Variants in SALL3 observed in about 807,000 individuals in gnomAD.
The protein encoded by SALL3 is sal-like protein 3.
In SALL3, 25 loss-of-function variants were observed where a neutral mutation model predicts 66.2. The observed-to-expected ratio is 0.38, with a 90% CI of 0.28 to 0.53. The LOEUF (loss-of-function observed/expected upper bound fraction) is 0.53, where lower values mean the gene tolerates loss of function less well. Ranked by LOEUF, SALL3 falls within the 20% of genes least tolerant of loss-of-function variation. The pLI is 0.85. For missense variants in SALL3, 2,194 were observed against 1,916.5 expected (o/e 1.14, Z -2.70); for synonymous variants, 1,152 against 899.1 (o/e 1.28, Z -5.03).
rs1405666834 is a variant in SALL3 at position 78,994,327 on chromosome 18, T to G, written c.2336T>G (p.Met779Arg). The G allele has an allele frequency of 2.5e-6, 4 of 1,613,514 alleles. No individual in the cohort carries two copies. Among genetic ancestry groups the G allele is most frequent in the Middle Eastern group, 1.6e-4 (1 of 6,084 alleles). The change falls in exon 2 of 3, where the codon ATG becomes AGG. Residue 779 changes from methionine to arginine, a missense_variant. Coordinates refer to ENST00000537592, the MANE Select transcript of SALL3 (RefSeq NM_171999.4). ...TPLPEGFQDAMDSELAYDDKN... is the reference protein window; with the variant it reads ...TPLPEGFQDARDSELAYDDKN... ...CTGCCGGAGGGCTTCCAGGATGCCA[T>G]GGACTCCGAGCTGGCCTACGACGAC...
At chr18:78,982,970 TA>T (rs1452341265) in intron 1 of SALL3, among the ~76,000 whole-genome samples, 2 of 152,176 alleles carry the variant, frequency 1.3e-5, no homozygotes, top group African/African-American at 2.4e-5. Context: ...CTGTATCTCT[TA>T]AAAAAGAATT....
chr18:78,982,977 G>C (rs1391584550), intron 1 of SALL3, among the ~76,000 whole-genome samples: 1 of 152,044 alleles, frequency 6.6e-6, no homozygotes, highest in Non-Finnish European at 1.5e-5. Flanking sequence ...TCTTAAAAAA[G>C]AATTATGATT....
intron 1 of SALL3, among the ~76,000 whole-genome samples, chr18:78,981,290 G>A (rs979433901): frequency 2.6e-5 from 4 of 152,168 alleles, no homozygotes. Context: ...CGCGCCCCGC[G>A]GGGCCCCCAG....
rs768877107 is a variant in SALL3, at chr18:78,997,679, A to T, written c.*357A>T. On this transcript the variant is annotated 3_prime_UTR_variant, in exon 3 of 3. Transcript: ENST00000537592. ...GCGGTATTCCAGTGAAACTCATTTG[A>T]TGGTTTCTTTTGAATTAGTTAGACA... 2.9e-5 allele frequency: 8 copies of T among 279,156 alleles called. No homozygotes were observed. The highest frequency in any genetic ancestry group is 6.5e-5 in the African/African-American group (3 of 46,404). The allele number at this position is 279,156 out of a possible 1,614,324, so 17.3% of individuals were successfully genotyped here. A position where few individuals can be genotyped will look rare whatever the true frequency, so the allele number is the denominator to read the frequency against.
rs533378652 is a variant in SALL3, at chr18:78,993,119, G to A, written c.1128G>A (p.Pro376=). ...TSASGVIFPN[P]LVSIAATANA... is the part of the protein sequence containing the mutation. Reference sequence around the variant, plus strand: ...CCAGCGGCGTCATCTTCCCCAACCCGCTGGTCAGCATCGCGGCCACGGCCA... The same window carrying A: ...CCAGCGGCGTCATCTTCCCCAACCCACTGGTCAGCATCGCGGCCACGGCCA... The change falls in exon 2 of 3, where the codon CCG becomes CCA. Residue 376 remains proline (P), a synonymous_variant. Transcript: ENST00000537592. The A allele has an allele frequency of 1.9e-6, 3 of 1,604,598 alleles. No individual in the cohort carries two copies. The highest frequency in any genetic ancestry group is 1.7e-5 in the Admixed American group (1 of 59,598).
At position 78,992,350 on chromosome 18, in the gene SALL3, C is replaced by G. The variant is rs974769426; in HGVS notation, c.359C>G (p.Ala120Gly). 32 of 1,373,864 alleles carry G rather than the reference C, an allele frequency of 2.3e-5. No individual in the cohort carries two copies. Among genetic ancestry groups the G allele is most frequent in the Admixed American group, 1.1e-4 (3 of 26,844 alleles). 85.1% of individuals were successfully genotyped at this position (1,373,864 alleles called of 1,614,324 possible). Residue 120 changes from alanine (A) to glycine (G), a missense_variant, in exon 2 of 3, where the codon GCG becomes GGG. Transcript: ENST00000537592. Reference sequence around the variant, plus strand: ...GCCGAGGAGGCGGGTGCGGAGGGCGCGGAGGGCGAGGCCAGGCCGGTGGAG... The same window carrying G: ...GCCGAGGAGGCGGGTGCGGAGGGCGGGGAGGGCGAGGCCAGGCCGGTGGAG... Reference protein sequence around the residue: ...EAAEEAGAEGAEGEARPVEKE... With the variant: ...EAAEEAGAEGGEGEARPVEKE...
Position 78,992,127 on chromosome 18 carries a change from G to T in SALL3, c.136G>T (p.Gly46Trp), listed in dbSNP as rs1339896901. 4 of 1,600,102 alleles carry T rather than the reference G, an allele frequency of 2.5e-6. No individual in the cohort carries two copies. Among genetic ancestry groups the T allele is most frequent in the African/African-American group, 1.3e-5 (1 of 74,370 alleles). The change falls in exon 2 of 3, where the codon GGG (glycine) becomes TGG (tryptophan). Residue 46 changes from glycine to tryptophan, a missense_variant. Coordinates refer to ENST00000537592, the MANE Select transcript of SALL3 (RefSeq NM_171999.4). Reference protein sequence around the residue: ...DADSGPESRSGGEETSVCEKC... With the variant: ...DADSGPESRSWGEETSVCEKC... ...AGACAGCGGGCCCGAGAGCCGCAGC[G>T]GGGGCGAGGAGACCAGCGTGTGCGA...
At position 78,993,725 on chromosome 18, in the gene SALL3, G is replaced by A. The variant is rs1365828593; in HGVS notation, c.1734G>A (p.Ser578=). The change falls in exon 2 of 3, where the codon TCG becomes TCA. Residue 578 remains serine (S), a synonymous_variant. Coordinates refer to ENST00000537592, the MANE Select transcript of SALL3 (RefSeq NM_171999.4). ...TCAACCACGTGGAGTCCGGCGTGTCGGCCACCGCCGAGTCCCCACAGTCGC... is the reference window on the plus strand; with the variant it reads ...TCAACCACGTGGAGTCCGGCGTGTCAGCCACCGCCGAGTCCCCACAGTCGC... ...PGLNHVESGV[S]ATAESPQSLL... 3.9e-6 allele frequency: 6 copies of A among 1,549,788 alleles called. No individual in the cohort carries two copies. The South Asian group carries it at 4.8e-5, about 12-fold the overall frequency.
rs1914625695 is a variant in SALL3, at chr18:78,994,823, C to T, written c.2832C>T (p.Ala944=). 6 of 1,596,546 alleles carry T rather than the reference C, an allele frequency of 3.8e-6. No homozygotes were observed. Among genetic ancestry groups the T allele is most frequent in the Non-Finnish European group, 4.3e-6 (5 of 1,172,524 alleles). The change falls in exon 2 of 3, where the codon GCC becomes GCT. Residue 944 remains alanine, a synonymous_variant. Coordinates refer to ENST00000537592, the MANE Select transcript of SALL3 (RefSeq NM_171999.4). ...KTERPDSPAA[A]PGSGGAPGRA... ...AGAGGCCGGACAGCCCAGCCGCCGC[C>T]CCGGGCAGCGGAGGCGCCCCTGGCC...
chr18:78,995,214 G>A lies in SALL3; in HGVS notation c.3223G>A (p.Gly1075Ser). Reference protein sequence around the residue: ...VNGHGKAMALGEGPPLPAGVQ... With the variant: ...VNGHGKAMALSEGPPLPAGVQ... Reference sequence around the variant, plus strand: ...CGGTCACGGCAAGGCCATGGCGCTGGGCGAGGGTCCCCCGCTGCCCGCGGG... The same window carrying A: ...CGGTCACGGCAAGGCCATGGCGCTGAGCGAGGGTCCCCCGCTGCCCGCGGG... Residue 1075 changes from glycine (G) to serine (S), a missense_variant, in exon 2 of 3, where the codon GGC becomes AGC. By Grantham distance (56) the Gly-to-Ser change is moderately conservative. Transcript: ENST00000537592. 6.2e-7 allele frequency: 1 copy of A among 1,608,144 alleles called. No homozygotes were observed. The highest frequency in any genetic ancestry group is 8.5e-7 in the Non-Finnish European group (1 of 1,179,936).
At position 78,996,953 on chromosome 18, in the gene SALL3, G is replaced by A. The variant is rs1914716071; in HGVS notation, c.3534G>A (p.Val1178=). 3.7e-6 allele frequency: 6 copies of A among 1,613,704 alleles called. No individual in the cohort carries two copies. Among genetic ancestry groups the A allele is most frequent in the Middle Eastern group, 1.6e-4 (1 of 6,062 alleles). ...APARRGRRLS[V]ENPMALLGGD... ...CGAGACGCGGCCGCCGCCTGTCTGT[G>A]GAGAACCCCATGGCTCTCCTAGGGG... is the stretch of plus-strand genomic sequence containing the variant. Residue 1178 remains valine, a synonymous_variant, in exon 3 of 3, where the codon GTG becomes GTA. Coordinates refer to ENST00000537592, the MANE Select transcript of SALL3 (RefSeq NM_171999.4).
chr18:78,980,405 C>T, intron 1 of SALL3, 49 bp downstream of exon 1: 2 of 1,195,730 alleles, frequency 1.7e-6, no homozygotes, highest in Non-Finnish European at 2.1e-6. Flanking sequence ...GCTGCCCGTC[C>T]GGGCTGGGGA....
rs774043309 is a variant in SALL3, at chr18:78,994,462, C to G, written c.2471C>G (p.Ser824Cys). 5.0e-6 allele frequency: 8 copies of G among 1,612,562 alleles called. No homozygotes were observed. The Admixed American group carries it at 8.3e-5, about 17-fold the overall frequency. ...ACCGACCCGGCCAAGCCACTCCTGTCCTACGCGGGGTCCTGCCCGCCCTCC... is the reference window on the plus strand; with the variant it reads ...ACCGACCCGGCCAAGCCACTCCTGTGCTACGCGGGGTCCTGCCCGCCCTCC... ...AATDPAKPLL[S>C]YAGSCPPSPP... The change falls in exon 2 of 3, where the codon TCC becomes TGC. Residue 824 changes from serine (S) to cysteine (C), a missense_variant. Coordinates refer to ENST00000537592, the MANE Select transcript of SALL3 (RefSeq NM_171999.4).
At chr18:78,986,274 C>G (rs1366810974) in intron 1 of SALL3, among the ~76,000 whole-genome samples, 1 of 152,124 alleles carries the variant, frequency 6.6e-6, no homozygotes. Flanking sequence ...CACAGGTGGT[C>G]GTGACTTAAC....
At position 78,979,930 on chromosome 18, in the gene SALL3, C is replaced by T. The variant is rs1332729147; in HGVS notation, c.-345C>T. ...CCGCCACAGCCGCACCCGGGGCGGC[C>T]GAGGAGCGCGGCGCCGGAGCCCGCG... is the stretch of plus-strand genomic sequence containing the variant. On this transcript the variant is annotated 5_prime_UTR_variant, in exon 1 of 3. Transcript: ENST00000537592. Among the ~76,000 whole-genome samples, 1 of 144,486 alleles carries T rather than the reference C, an allele frequency of 6.9e-6. No homozygotes were observed. The highest frequency in any genetic ancestry group is 2.5e-5 in the African/African-American group (1 of 40,390). 94.8% of individuals were successfully genotyped at this position (144,486 alleles called of 152,430 possible).
rs773084670 is a variant in SALL3 at position 78,993,147 on chromosome 18, G to A, written c.1156G>A (p.Ala386Thr). Residue 386 changes from alanine to threonine, a missense_variant, in exon 2 of 3, where the codon GCT (alanine) becomes ACT (threonine). Transcript: ENST00000537592. ...PLVSIAATAN[A>T]LDPLSALMKH... is the part of the protein sequence containing the mutation. Reference sequence around the variant, plus strand: ...GGTCAGCATCGCGGCCACGGCCAACGCTCTGGACCCGCTGTCCGCGCTCAT... The same window carrying A: ...GGTCAGCATCGCGGCCACGGCCAACACTCTGGACCCGCTGTCCGCGCTCAT... 1.2e-6 allele frequency: 2 copies of A among 1,606,248 alleles called. No homozygotes were observed. Among genetic ancestry groups the A allele is most frequent in the East Asian group, 2.2e-5 (1 of 44,558 alleles).
Position 78,994,808 on chromosome 18 carries a change from C to A in SALL3, c.2817C>A (p.Asp939Glu). The A allele has an allele frequency of 6.3e-7, 1 of 1,596,366 alleles. No individual in the cohort carries two copies. Among genetic ancestry groups the A allele is most frequent in the Admixed American group, 1.7e-5 (1 of 58,176 alleles). Residue 939 changes from aspartate (D) to glutamate (E), a missense_variant, in exon 2 of 3, where the codon GAC (aspartate) becomes GAA (glutamate). Physicochemically the swap from Asp to Glu is conservative, Grantham distance 45. Transcript: ENST00000537592. ...QEIPLKTERPDSPAAAPGSGG... is the reference protein window; with the variant it reads ...QEIPLKTERPESPAAAPGSGG... ...TCCCGCTCAAGACCGAGAGGCCGGA[C>A]AGCCCAGCCGCCGCCCCGGGCAGCG... is the stretch of plus-strand genomic sequence containing the variant.
rs777299709 is a variant in SALL3, at chr18:78,992,994, TCGCAGCCGCAGAGCGCATCCACGC to T, written c.1007_1030del (p.Gln336_Pro343del). 13 of 1,455,270 alleles carry T rather than the reference TCGCAGCCGCAGAGCGCATCCACGC, an allele frequency of 8.9e-6. No homozygotes were observed. Among genetic ancestry groups the T allele is most frequent in the African/African-American group, 2.9e-5 (2 of 69,364 alleles). 90.1% of individuals were successfully genotyped at this position (1,455,270 alleles called of 1,614,324 possible). A position where few individuals can be genotyped will look rare whatever the true frequency, so the allele number is the denominator to read the frequency against. On this transcript the variant is annotated inframe_deletion, in exon 2 of 3. Coordinates refer to ENST00000537592, the MANE Select transcript of SALL3 (RefSeq NM_171999.4). ...GCCAGCGCCGCAGAGCGCAGCCTCG[TCGCAGCCGCAGAGCGCATCCACGC>T]CGCCTGCCCTGGCCCCGGGGTCCCT...
Position 78,993,757 on chromosome 18 carries a change from G to C in SALL3, c.1766G>C (p.Gly589Ala). 6.5e-7 allele frequency: 1 copy of C among 1,543,146 alleles called. No individual in the cohort carries two copies. The change falls in exon 2 of 3, where the codon GGC becomes GCC. Residue 589 changes from glycine (G) to alanine (A), a missense_variant. Transcript: ENST00000537592. ...GCCGAGTCCCCACAGTCGCTCCTCG[G>C]CGGGCCGCCCCTCACTAAAGCCGAG... ...ATAESPQSLL[G>A]GPPLTKAEPV...
Sources: gnomAD v4.1 joint callset for allele counts (sites outside exome capture counted in the v4.1 genomes callset) on GRCh38, gnomAD v4.1.1 for gene constraint, MANE v1.5 for transcripts, NCBI Gene and HGNC (gene_info 2026-07-23, HGNC 2026-07-21) for gene names.